Variants in MLIP observed in about 807,000 individuals in gnomAD.
The protein encoded by MLIP is muscular LMNA-interacting protein.
Under a neutral mutation model 84.8 loss-of-function variants are expected in MLIP, and 79 were observed. That is an observed-to-expected ratio of 0.93 (90% CI 0.78 to 1.12). The LOEUF is 1.12. MLIP is among the 50% of genes most tolerant of loss of function. The probability of loss-of-function intolerance (pLI) is 0.00; values close to 1 mark genes in which losing one functional copy is unlikely to be tolerated. For synonymous variants in MLIP, 504 were observed against 463.0 expected, an observed-to-expected ratio of 1.09 and a Z score of -1.14; for missense variants, 1,257 against 1,160.6, an observed-to-expected ratio of 1.08 and a Z score of -1.21.
Position 54,137,894 on chromosome 6 carries a change from A to T in MLIP, c.1825A>T (p.Lys609Ter), listed in dbSNP as rs901032025. 1.0e-5 allele frequency: 16 copies of T among 1,535,958 alleles called. No homozygotes were observed. Reference protein sequence around the residue: ...NQRATFSSSEKCFHPSPALSS... With the variant: ...NQRATFSSSE ...AAGAGCTACGTTCTCTTCTTCAGAG[A>T]AATGTTTCCATCCTTCCCCAGCTCT... Residue 609 changes from lysine (K) to a stop codon, truncating the protein, a stop_gained, in exon 4 of 14, where the codon AAA becomes TAA. Coordinates refer to ENST00000502396, the MANE Select transcript of MLIP (RefSeq NM_001281747.2). LOFTEE classifies it high-confidence loss of function.
chr6:54,229,910 C>G (rs1459417950), intron 11 of MLIP, among the ~76,000 whole-genome samples: 2 of 152,048 alleles, frequency 1.3e-5, no homozygotes, highest in Non-Finnish European at 2.9e-5. Context: ...TGTATGTAGG[C>G]CCTTTTTGCA....
Position 54,160,484 on chromosome 6 carries a change from G to T in MLIP, c.2356-32G>T, listed in dbSNP as rs763361307. 4 of 1,611,594 alleles carry T rather than the reference G, an allele frequency of 2.5e-6. No individual in the cohort carries two copies. The South Asian group carries it at 3.3e-5, about 13-fold the overall frequency. On this transcript the variant is annotated intron_variant, in intron 6 of 13. Coordinates refer to ENST00000502396, the MANE Select transcript of MLIP (RefSeq NM_001281747.2). Reference sequence around the variant, plus strand: ...TTGGTATGCAATTCCAAAACTTATTGCTAACCCAGTACCTGGTTTCAATTC... The same window carrying T: ...TTGGTATGCAATTCCAAAACTTATTTCTAACCCAGTACCTGGTTTCAATTC...
chr6:54,216,451 G>A (rs2754784), intron 11 of MLIP: 978,305 of 985,316 alleles, frequency 0.99, 486,022 homozygotes, highest in East Asian at 1. Context: ...ATTATGGAGT[G>A]TTTTTCTTTC....
At chr6:54,027,198 G>A (rs1294002946) in intron 1 of MLIP, among the ~76,000 whole-genome samples, 1 of 152,054 alleles carries the variant, frequency 6.6e-6, no homozygotes, top group Non-Finnish European at 1.5e-5. Flanking sequence ...TGTTTTCACT[G>A]AGAAATAACA....
intron 4 of MLIP, among the ~76,000 whole-genome samples, chr6:54,146,866 T>G (rs1052693638): frequency 3.3e-4 from 51 of 152,282 alleles, no homozygotes; most frequent in African/African-American, 1.0e-3. Context: ...GATATGTGCA[T>G]AGTTGTTGGG....
chr6:54,055,053 A>T (rs1765581172), intron 1 of MLIP, among the ~76,000 whole-genome samples: 1 of 151,808 alleles, frequency 6.6e-6, no homozygotes, highest in African/African-American at 2.4e-5. Context: ...ACGCCCAGCT[A>T]TTTTTTTGTA....
intron 11 of MLIP, among the ~76,000 whole-genome samples, chr6:54,207,458 A>G (rs1313521687): frequency 1.6e-5 from 2 of 123,926 alleles, no homozygotes; most frequent in African/African-American, 3.0e-5. Flanking sequence ...TTATGTGTGC[A>G]TCAAGTTTGG....
At chr6:54,087,563 A>G (rs1767581793) in intron 1 of MLIP, among the ~76,000 whole-genome samples, 1 of 152,184 alleles carries the variant, frequency 6.6e-6, no homozygotes, top group South Asian at 2.1e-4. Flanking sequence ...CCAGTAAGTC[A>G]GGCTATCTTT....
At chr6:54,168,661 G>A (rs771497137) in intron 8 of MLIP, among the ~76,000 whole-genome samples, 1 of 151,778 alleles carries the variant, frequency 6.6e-6, no homozygotes, top group Non-Finnish European at 1.5e-5. Context: ...GAATCAAATA[G>A]CTATTTCATC....
At chr6:54,104,973 C>CA (rs1234832964) in intron 1 of MLIP, among the ~76,000 whole-genome samples, 1 of 152,138 alleles carries the variant, frequency 6.6e-6, no homozygotes, top group Non-Finnish European at 1.5e-5. Flanking sequence ...TATTTGACCA[C>CA]AAAAACCCTT....
chr6:54,025,378 T>C (rs1409788890), intron 1 of MLIP, among the ~76,000 whole-genome samples: 1 of 152,152 alleles, frequency 6.6e-6, no homozygotes, highest in African/African-American at 2.4e-5. Context: ...CAACTTCACA[T>C]AATAAAATAA....
intron 12 of MLIP, among the ~76,000 whole-genome samples, chr6:54,246,532 C>A (rs1189676334): frequency 6.6e-6 from 1 of 151,844 alleles, no homozygotes; most frequent in African/African-American, 2.4e-5. Context: ...GTGTGTATGT[C>A]TCTTGTTGTC....
intron 12 of MLIP, among the ~76,000 whole-genome samples, chr6:54,253,227 G>A (rs554482737): frequency 4.3e-4 from 66 of 152,138 alleles, no homozygotes; most frequent in African/African-American, 1.4e-3. Flanking sequence ...TTGTAATGTC[G>A]CTTTTGAGGG....
intron 1 of MLIP, among the ~76,000 whole-genome samples, chr6:54,120,148 G>C (rs1770309169): frequency 6.6e-6 from 1 of 152,144 alleles, no homozygotes; most frequent in African/African-American, 2.4e-5. Flanking sequence ...GAAATCTACA[G>C]TACTGTCTTC....
intron 9 of MLIP, among the ~76,000 whole-genome samples, chr6:54,185,408 A>G (rs1211685003): frequency 6.6e-6 from 1 of 152,206 alleles, no homozygotes; most frequent in African/African-American, 2.4e-5. Flanking sequence ...ATGAAATAAA[A>G]ATGTCTGGGG....
chr6:54,040,335 G>T (rs945153344), intron 1 of MLIP, among the ~76,000 whole-genome samples: 3 of 151,972 alleles, frequency 2.0e-5, no homozygotes, highest in Non-Finnish European at 4.4e-5. Context: ...CAATGAAAGA[G>T]TAGAAATTTT....
At chr6:54,115,627 G>A (rs1336979942) in intron 1 of MLIP, among the ~76,000 whole-genome samples, 3 of 152,146 alleles carry the variant, frequency 2.0e-5, no homozygotes, top group South Asian at 2.1e-4. Flanking sequence ...AAAGCATTGG[G>A]TTAAGAAGCG....
rs917667415 is a variant in MLIP, at chr6:54,244,117, T to G, written c.2923-13191T>G. 2.6e-5 allele frequency among the ~76,000 whole-genome samples: 4 copies of G among 152,280 alleles called. No individual in the cohort carries two copies. The South Asian group carries it at 8.3e-4, about 32-fold the overall frequency. ...ATCTTGAATTTTGGAGGCAAAAACA[T>G]CCCTCAAACCTCTTCATTAATAATG... On this transcript the variant is annotated intron_variant, in intron 12 of 13. Transcript: ENST00000502396.
chr6:54,204,440 T>A (rs1363521753), intron 11 of MLIP, among the ~76,000 whole-genome samples: 1 of 152,208 alleles, frequency 6.6e-6, no homozygotes, highest in Non-Finnish European at 1.5e-5. Flanking sequence ...ATAAAAATAA[T>A]TTAGCAGTTA....
Sources: allele counts gnomAD v4.1 joint callset (sites outside exome capture counted in the v4.1 genomes callset), GRCh38; gene constraint gnomAD v4.1.1; transcripts MANE v1.5; gene names NCBI Gene and HGNC (gene_info 2026-07-23, HGNC 2026-07-21).